ARHGEF10: variants seen among roughly 807,000 people sequenced by gnomAD.
The protein encoded by ARHGEF10 is Rho guanine nucleotide exchange factor (GEF) 10.
Under a neutral mutation model 147.4 loss-of-function variants are expected in ARHGEF10, and 140 were observed. The ratio of observed to expected loss-of-function variants is 0.95; its 90% confidence interval spans 0.83 to 1.09. The LOEUF (loss-of-function observed/expected upper bound fraction) is 1.09, where lower values mean the gene tolerates loss of function less well. Among genes scored for constraint, ARHGEF10 ranks in the 50% least tolerant of loss-of-function variants. The probability of loss-of-function intolerance (pLI) is 0.00; values close to 1 mark genes in which losing one functional copy is unlikely to be tolerated. For synonymous variants in ARHGEF10, 902 were observed against 695.8 expected (o/e 1.30, Z -4.67); for missense variants, 2,222 against 1,752.7 (o/e 1.27, Z -4.78).
chr8:1,957,345 G>A lies in ARHGEF10; in HGVS notation c.*82G>A, dbSNP rs1045777664. 6.5e-6 allele frequency: 10 copies of A among 1,540,566 alleles called. No individual in the cohort carries two copies. Among genetic ancestry groups the A allele is most frequent in the African/African-American group, 4.1e-5 (3 of 73,762 alleles). Reference sequence around the variant, plus strand: ...ATCCTACAGCCTGAGTGGTTAAGCTGTGTCTACACTGGTTGGGAATAAATT... The same window carrying A: ...ATCCTACAGCCTGAGTGGTTAAGCTATGTCTACACTGGTTGGGAATAAATT... On this transcript the variant is annotated 3_prime_UTR_variant, in exon 29 of 29. Coordinates refer to ENST00000349830, the MANE Select transcript of ARHGEF10 (RefSeq NM_014629.4).
In ARHGEF10 at chr8:1,901,942, A is replaced by G. The variant is rs148563857; in HGVS notation, c.1651-1339A>G. Among the ~76,000 whole-genome samples the G allele has an allele frequency of 1.8e-4, 28 of 152,206 alleles. No individual in the cohort carries two copies. In the East Asian group the frequency reaches 5.0e-3, roughly 27 times the overall value. Reference sequence around the variant, plus strand: ...GCTGTTGAATTCCATGACTACTAATATTCCTATAAACATGTCAAAGATGGT... The same window carrying G: ...GCTGTTGAATTCCATGACTACTAATGTTCCTATAAACATGTCAAAGATGGT... On this transcript the variant is annotated intron_variant, in intron 15 of 28. Transcript: ENST00000349830.
At chr8:1,923,677 G>A (rs1487194450) in intron 20 of ARHGEF10, 82 bp downstream of exon 20, 4 of 1,613,600 alleles carry the variant, frequency 2.5e-6, no homozygotes, top group Non-Finnish European at 3.4e-6. Flanking sequence ...TATGTTTTTT[G>A]GTTTGCTGAT....
At position 1,889,560 on chromosome 8, in the gene ARHGEF10, G is replaced by A. The variant is rs531159184; in HGVS notation, c.1182+3853G>A. 3.8e-5 allele frequency among the ~76,000 whole-genome samples: 4 copies of A among 106,100 alleles called. 1 individual carries two copies. In the South Asian group the frequency reaches 1.9e-3, roughly 50 times the overall value. The allele number at this position is 106,100 out of a possible 152,430, so 69.6% of individuals were successfully genotyped here. Reference sequence around the variant, plus strand: ...ACACTGAGTAGGGTAAGGAGTCTGTGTGGAGACACTGAGTGGGGTGAGGGG... The same window carrying A: ...ACACTGAGTAGGGTAAGGAGTCTGTATGGAGACACTGAGTGGGGTGAGGGG... On this transcript the variant is annotated intron_variant, in intron 11 of 28. Coordinates refer to ENST00000349830, the MANE Select transcript of ARHGEF10 (RefSeq NM_014629.4).
intron 7 of ARHGEF10, among the ~76,000 whole-genome samples, chr8:1,874,726 TAAG>T: frequency 6.6e-6 from 1 of 151,316 alleles, no homozygotes; most frequent in African/African-American, 2.4e-5. Flanking sequence ...CCGGGGTGTG[TAAG>T]CAGTGGAGGT....
intron 7 of ARHGEF10, among the ~76,000 whole-genome samples, chr8:1,875,341 T>A (rs1807602770): frequency 1.3e-5 from 2 of 152,088 alleles, no homozygotes. Flanking sequence ...CTGAGTCCCC[T>A]AGTACATGGT....
chr8:1,884,173 C>G (rs1808450276), intron 10 of ARHGEF10, among the ~76,000 whole-genome samples: 1 of 152,104 alleles, frequency 6.6e-6, no homozygotes, highest in Non-Finnish European at 1.5e-5. Flanking sequence ...GCGGGCAGAT[C>G]ACGAGGTCAG....
At chr8:1,837,410 C>T (rs966293229) in intron 1 of ARHGEF10, among the ~76,000 whole-genome samples, 1 of 152,248 alleles carries the variant, frequency 6.6e-6, no homozygotes, top group East Asian at 1.9e-4. Context: ...TGTTGTTCAT[C>T]TTTCCGTTGG....
intron 18 of ARHGEF10, among the ~76,000 whole-genome samples, chr8:1,918,502 GTGTT>G (rs1341556628): frequency 7.9e-6 from 1 of 126,276 alleles, no homozygotes; most frequent in East Asian, 2.3e-4. Flanking sequence ...GTGTGTGTGT[GTGTT>G]ATTTTAAAAA....
chr8:1,915,252 C>T (rs912920274), intron 18 of ARHGEF10, among the ~76,000 whole-genome samples: 1 of 152,182 alleles, frequency 6.6e-6, no homozygotes, highest in Admixed American at 6.5e-5. Context: ...GGTAGGCGTG[C>T]CATGGCTTTT....
chr8:1,956,322 G>A (rs909570163), intron 28 of ARHGEF10, among the ~76,000 whole-genome samples: 4 of 152,154 alleles, frequency 2.6e-5, no homozygotes, highest in Non-Finnish European at 5.9e-5. Flanking sequence ...GCAGGCAGCC[G>A]GTAGTTTAGT....
intron 2 of ARHGEF10, among the ~76,000 whole-genome samples, chr8:1,845,898 A>C (rs1388732555): frequency 6.6e-6 from 1 of 152,136 alleles, no homozygotes; most frequent in African/African-American, 2.4e-5. Flanking sequence ...CTGCAGCAGG[A>C]CACTCCTCTG....
intron 28 of ARHGEF10, among the ~76,000 whole-genome samples, chr8:1,955,623 C>T (rs980007944): frequency 3.9e-5 from 6 of 151,914 alleles, no homozygotes; most frequent in East Asian, 3.9e-4. Context: ...GGATGGGTAG[C>T]GAGGTGCTTC....
chr8:1,837,916 C>G (rs565167966), intron 1 of ARHGEF10, among the ~76,000 whole-genome samples: 13 of 152,226 alleles, frequency 8.5e-5, no homozygotes, highest in African/African-American at 2.9e-4. Flanking sequence ...CGTGGGGACA[C>G]TGCTCCTCAC....
intron 9 of ARHGEF10, among the ~76,000 whole-genome samples, chr8:1,881,358 G>A (rs553007906): frequency 2.0e-5 from 3 of 152,304 alleles, no homozygotes; most frequent in East Asian, 3.9e-4. Context: ...ACCCTGAACG[G>A]CGCTGGCTGA....
chr8:1,838,496 G>A (rs113133367), intron 1 of ARHGEF10, among the ~76,000 whole-genome samples: 4 of 152,386 alleles, frequency 2.6e-5, no homozygotes, highest in African/African-American at 4.8e-5. Flanking sequence ...AGCAGTCAGC[G>A]TCTGGTCCTG....
In ARHGEF10 at chr8:1,908,227, A is replaced by ATTT. The variant is rs11288174; in HGVS notation, c.1968-1049_1968-1047dup. Among the ~76,000 whole-genome samples the ATTT allele has an allele frequency of 5.2e-4, 57 of 110,044 alleles. 1 individual carries two copies. Among genetic ancestry groups the ATTT allele is most frequent in the South Asian group, 1.8e-3 (6 of 3,372 alleles). The allele number at this position is 110,044 out of a possible 152,430, so 72.2% of individuals were successfully genotyped here. A position where few individuals can be genotyped will look rare whatever the true frequency, so the allele number is the denominator to read the frequency against. On this transcript the variant is annotated intron_variant, in intron 17 of 28. Transcript: ENST00000349830. ...TTTGGTTATTTCTACCCACACTTTG[A>ATTT]TTTTTTTTTTTTTTTTTTTTTGAGA...
chr8:1,879,164 C>T (rs369472877), intron 8 of ARHGEF10, among the ~76,000 whole-genome samples: 1 of 152,220 alleles, frequency 6.6e-6, no homozygotes, highest in Admixed American at 6.5e-5. Flanking sequence ...TGAGAAATGC[C>T]CCGAGACGAG....
chr8:1,896,344 C>T lies in ARHGEF10; in HGVS notation c.1452C>T (p.Ser484=). 6.2e-7 allele frequency: 1 copy of T among 1,613,336 alleles called. No individual in the cohort carries two copies. Among genetic ancestry groups the T allele is most frequent in the African/African-American group, 1.3e-5 (1 of 75,020 alleles). Residue 484 remains serine (S), a synonymous_variant, in exon 14 of 29, where the codon TCC becomes TCT. Coordinates refer to ENST00000349830, the MANE Select transcript of ARHGEF10 (RefSeq NM_014629.4). The stretch of plus-strand genomic sequence containing the variant: ...CTCCTGTGTTTCAGTTTTCTAAGTC[C>T]ATGGTGCTGGATGCATACAGTGAAT... ...GDVFVASFSK[S]MVLDAYSEYV... is the part of the protein sequence containing the mutation.
At chr8:1,826,686 C>T (rs1309362778) in intron 1 of ARHGEF10, among the ~76,000 whole-genome samples, 1 of 152,136 alleles carries the variant, frequency 6.6e-6, no homozygotes, top group East Asian at 1.9e-4. Context: ...ATTCTGTAAG[C>T]GATGTGAAAA....
Sources: allele counts gnomAD v4.1 joint callset (sites outside exome capture counted in the v4.1 genomes callset), GRCh38; gene constraint gnomAD v4.1.1; transcripts MANE v1.5; gene names NCBI Gene and HGNC (gene_info 2026-07-23, HGNC 2026-07-21).